Variants in PCDH15 observed in about 807,000 individuals in gnomAD.
The protein encoded by PCDH15 is protocadherin-15.
A neutral mutation model predicts 178.5 loss-of-function variants in PCDH15; 129 were observed. That is an observed-to-expected ratio of 0.72 (90% confidence interval 0.63 to 0.84). The LOEUF (loss-of-function observed/expected upper bound fraction) is 0.84, where lower values mean the gene tolerates loss of function less well. Ranked by LOEUF, PCDH15 falls within the 40% of genes least tolerant of loss-of-function variation. PCDH15 has a pLI of 0.00. For synonymous variants in PCDH15, 800 were observed against 732.0 expected, an observed-to-expected ratio of 1.09 and a Z score of -1.50; for missense variants, 2,230 against 2,099.9, an observed-to-expected ratio of 1.06 and a Z score of -1.21.
intron 21 of PCDH15, among the ~76,000 whole-genome samples, chr10:53,981,443 A>C (rs373307233): frequency 1.3e-5 from 2 of 152,206 alleles, no homozygotes; most frequent in Admixed American, 6.5e-5. Context: ...AGTAACCAAA[A>C]CAGCATGGTA....
At chr10:54,564,632 G>A (rs1437993265) in intron 2 of PCDH15, among the ~76,000 whole-genome samples, 1 of 151,994 alleles carries the variant, frequency 6.6e-6, no homozygotes, top group Non-Finnish European at 1.5e-5. Context: ...TTAGAAAAGG[G>A]CTTTTTATTT....
intron 1 of PCDH15, among the ~76,000 whole-genome samples, chr10:55,183,240 T>A (rs1839700874): frequency 6.6e-6 from 1 of 152,032 alleles, no homozygotes; most frequent in Non-Finnish European, 1.5e-5. Context: ...TGTCTCATTT[T>A]AGAAATATTG....
At chr10:54,463,546 G>T (rs943611156) in intron 3 of PCDH15, among the ~76,000 whole-genome samples, 1 of 152,078 alleles carries the variant, frequency 6.6e-6, no homozygotes. Context: ...GCCTTGCCAG[G>T]AAGCGTTTCA....
At chr10:54,421,684 A>G (rs1472106743) in intron 3 of PCDH15, among the ~76,000 whole-genome samples, 4 of 122,456 alleles carry the variant, frequency 3.3e-5, no homozygotes, top group African/African-American at 3.7e-5. Context: ...ATATATATAT[A>G]TATATATATA....
chr10:54,337,425 G>C (rs775576185), intron 6 of PCDH15, among the ~76,000 whole-genome samples: 1 of 152,100 alleles, frequency 6.6e-6, no homozygotes, highest in African/African-American at 2.4e-5. Flanking sequence ...TGTTGAGGGA[G>C]GGACCCGGTG....
chr10:55,546,089 C>T (rs1055319185), intron 2 of PCDH15, among the ~76,000 whole-genome samples: 2 of 151,908 alleles, frequency 1.3e-5, no homozygotes, highest in African/African-American at 2.4e-5. Context: ...ATACAAGATG[C>T]GACATGTTAC....
intron 15 of PCDH15, among the ~76,000 whole-genome samples, chr10:54,114,107 G>A (rs2095072611): frequency 6.6e-6 from 1 of 152,078 alleles, no homozygotes; most frequent in Non-Finnish European, 1.5e-5. Context: ...AGATTTGGGT[G>A]GGGACACAAA....
At chr10:54,273,080 CTA>C (rs1188189694) in intron 8 of PCDH15, among the ~76,000 whole-genome samples, 1 of 151,994 alleles carries the variant, frequency 6.6e-6, no homozygotes, top group East Asian at 1.9e-4. Flanking sequence ...TTTACACTGA[CTA>C]TGTTTTCTGA....
intron 1 of PCDH15, among the ~76,000 whole-genome samples, chr10:54,780,823 T>C (rs931108573): frequency 1.3e-5 from 2 of 152,010 alleles, no homozygotes; most frequent in African/African-American, 4.8e-5. Context: ...GGTAGCTTCC[T>C]TAATCATAGT....
chr10:54,507,666 T>G (rs924023386), intron 3 of PCDH15, among the ~76,000 whole-genome samples: 1 of 151,942 alleles, frequency 6.6e-6, no homozygotes, highest in Admixed American at 6.6e-5. Context: ...ATTTAACAGA[T>G]GAGAGTACTG....
At position 53,804,485 on chromosome 10, in the gene PCDH15, C is replaced by A. The variant is rs1162860699; in HGVS notation, c.*2094G>T. ...ACATTAAGAAAACAAACAAAAAACACAAACTTTCCCATCAGGATACTAGAA... is the reference window on the plus strand; with the variant it reads ...ACATTAAGAAAACAAACAAAAAACAAAAACTTTCCCATCAGGATACTAGAA... On this transcript the variant is annotated 3_prime_UTR_variant, in exon 38 of 38. Coordinates refer to ENST00000644397, the MANE Select transcript of PCDH15 (RefSeq NM_001384140.1). 6.6e-6 allele frequency: 1 copy of A among 151,770 alleles called. No homozygotes were observed. The highest frequency in any genetic ancestry group is 1.5e-5 in the Non-Finnish European group (1 of 67,884). 9.4% of individuals were successfully genotyped at this position (151,770 alleles called of 1,614,324 possible).
At chr10:55,255,400 C>A (rs1841967561) in intron 1 of PCDH15, among the ~76,000 whole-genome samples, 1 of 152,086 alleles carries the variant, frequency 6.6e-6, no homozygotes, top group Non-Finnish European at 1.5e-5. Flanking sequence ...GTGAATAGTG[C>A]CACAATAAAC....
At chr10:53,855,937 T>C (rs189211141) in intron 28 of PCDH15, among the ~76,000 whole-genome samples, 1 of 146,730 alleles carries the variant, frequency 6.8e-6, no homozygotes, top group African/African-American at 2.5e-5. Context: ...TGTGTGTGTG[T>C]AATGAAATAG....
At chr10:55,582,994 C>T (rs1324972424) in intron 2 of PCDH15, among the ~76,000 whole-genome samples, 1 of 152,010 alleles carries the variant, frequency 6.6e-6, no homozygotes, top group Non-Finnish European at 1.5e-5. Flanking sequence ...ATAAATTAAG[C>T]TATGGATAGC....
chr10:54,515,853 C>G (rs1207413436), intron 3 of PCDH15, among the ~76,000 whole-genome samples: 1 of 152,220 alleles, frequency 6.6e-6, no homozygotes, highest in Non-Finnish European at 1.5e-5. Flanking sequence ...CACCGCTGTT[C>G]TGCAGCCACT....
chr10:55,372,096 C>A (rs1845520277), intron 2 of PCDH15, among the ~76,000 whole-genome samples: 1 of 152,088 alleles, frequency 6.6e-6, no homozygotes, highest in Non-Finnish European at 1.5e-5. Flanking sequence ...AATAAAATCA[C>A]AATAGAAACT....
intron 1 of PCDH15, among the ~76,000 whole-genome samples, chr10:54,739,236 A>T (rs183394687): frequency 6.6e-6 from 1 of 152,012 alleles, no homozygotes; most frequent in Admixed American, 6.6e-5. Flanking sequence ...CTACAAAATC[A>T]ACATACAACA....
chr10:54,406,760 T>C (rs1283403242), intron 3 of PCDH15, among the ~76,000 whole-genome samples: 1 of 151,862 alleles, frequency 6.6e-6, no homozygotes, highest in Non-Finnish European at 1.5e-5. Context: ...ACGAAATTAA[T>C]CAAAGAAGGA....
At chr10:54,089,072 T>C (rs1232809884) in intron 16 of PCDH15, among the ~76,000 whole-genome samples, 2 of 152,236 alleles carry the variant, frequency 1.3e-5, no homozygotes, top group East Asian at 3.8e-4. Flanking sequence ...AAAACACTGT[T>C]CTTGTCTATA....
Sources: gnomAD v4.1 joint callset for allele counts (sites outside exome capture counted in the v4.1 genomes callset) on GRCh38, gnomAD v4.1.1 for gene constraint, MANE v1.5 for transcripts, NCBI Gene and HGNC (gene_info 2026-07-23, HGNC 2026-07-21) for gene names.